The following NASP variants were observed in gnomAD, a reference collection of about 807,000 sequenced individuals.
NASP encodes NASP histone chaperone.
A neutral mutation model predicts 89.5 loss-of-function variants in NASP; 24 were observed. The ratio of observed to expected loss-of-function variants is 0.27; its 90% CI spans 0.19 to 0.38. The LOEUF is 0.38. Among genes scored for constraint, NASP ranks in the 10% least tolerant of loss-of-function variants. The pLI is 1.00. For synonymous variants in NASP, 306 were observed against 324.7 expected, an observed-to-expected ratio of 0.94 and a Z score of 0.62; for missense variants, 848 against 921.4, an observed-to-expected ratio of 0.92 and a Z score of 1.03.
intron 1 of NASP, 65 bp from the exon 2 acceptor site, chr1:45,591,158 T>A (rs1643537802): frequency 1.0e-6 from 1 of 981,690 alleles, no homozygotes; most frequent in Non-Finnish European, 1.5e-6. Context: ...CTGAATTTAT[T>A]TTATTTTCAG....
intron 6 of NASP, chr1:45,612,941 T>C: frequency 2.4e-6 from 1 of 411,020 alleles, no homozygotes; most frequent in African/African-American, 2.1e-5. Context: ...CTCAGCCTTT[T>C]AATTGCTGAA....
chr1:45,613,320 G>A, intron 7 of NASP, 72 bp downstream of exon 7: 2 of 1,511,706 alleles, frequency 1.3e-6, no homozygotes, highest in Non-Finnish European at 8.9e-7. Flanking sequence ...CACTCTTGTT[G>A]CCTAGGCTGG....
rs1644135677 is a variant in NASP, at chr1:45,617,982, T to G, written c.2287-79T>G. On this transcript the variant is annotated intron_variant, in intron 14 of 14. Coordinates refer to ENST00000350030, the MANE Select transcript of NASP (RefSeq NM_002482.4). The stretch of plus-strand genomic sequence containing the variant: ...GTTTGGGTGACTTGTATATGCTTCC[T>G]ATGACTGAGGCCTCAGTTATATAAG... The G allele has an allele frequency of 3.8e-6, 5 of 1,310,174 alleles. No homozygotes were observed. In the Admixed American group the frequency reaches 8.1e-5, roughly 21 times the overall value. The allele number at this position is 1,310,174 out of a possible 1,614,324, so 81.2% of individuals were successfully genotyped here. A position where few individuals can be genotyped will look rare whatever the true frequency, so the allele number is the denominator to read the frequency against.
rs1644492771 is a variant in NASP, at chr1:45,584,225, G to A, written c.59+20G>A. 4.5e-6 allele frequency: 7 copies of A among 1,571,986 alleles called. No homozygotes were observed. The highest frequency in any genetic ancestry group is 6.0e-6 in the Non-Finnish European group (7 of 1,158,034). ...CGACAAGTAAGCGGGACTGTGGAAAGCTTAAGGCACTGGCCAGTCCGCGGG... is the reference window on the plus strand; with the variant it reads ...CGACAAGTAAGCGGGACTGTGGAAAACTTAAGGCACTGGCCAGTCCGCGGG... On this transcript the variant is annotated intron_variant, in intron 1 of 14. Coordinates refer to ENST00000350030, the MANE Select transcript of NASP (RefSeq NM_002482.4).
chr1:45,613,352 T>C, intron 7 of NASP, 104 bp downstream of exon 7: 2 of 1,323,984 alleles, frequency 1.5e-6, no homozygotes, highest in African/African-American at 3.0e-5. Flanking sequence ...GTGATCATGA[T>C]CATGGCTCAC....
chr1:45,598,125 G>T (rs1324510431), intron 2 of NASP, among the ~76,000 whole-genome samples: 2 of 150,672 alleles, frequency 1.3e-5, no homozygotes, highest in African/African-American at 2.4e-5. Context: ...TCAGCTCTCT[G>T]AGTTAATCTT....
At chr1:45,599,438 C>CT (rs1015829203) in intron 2 of NASP, among the ~76,000 whole-genome samples, 3 of 151,046 alleles carry the variant, frequency 2.0e-5, no homozygotes, top group Admixed American at 2.0e-4. Flanking sequence ...CTTTTCTTTT[C>CT]TTTTTTTGAG....
chr1:45,617,915 A>G lies in NASP; in HGVS notation c.2287-146A>G, dbSNP rs578045244. 35 of 689,158 alleles carry G rather than the reference A, an allele frequency of 5.1e-5. No homozygotes were observed. In the South Asian group the frequency reaches 6.7e-4, roughly 13 times the overall value. 42.7% of individuals were successfully genotyped at this position (689,158 alleles called of 1,614,324 possible). A position where few individuals can be genotyped will look rare whatever the true frequency, so the allele number is the denominator to read the frequency against. ...CATTATCACAGAGTATTCAAGAAAT[A>G]CTTTGTGGTCACTGCCCTCTTAATA... is the stretch of plus-strand genomic sequence containing the variant. On this transcript the variant is annotated intron_variant, in intron 14 of 14. Coordinates refer to ENST00000350030, the MANE Select transcript of NASP (RefSeq NM_002482.4).
Position 45,618,337 on chromosome 1 carries a change from C to T in NASP, c.*196C>T. ...TTATATATTAGCCAAAGGTTTTGTT[C>T]TGGCCTTCTGTACTGATCTGTGTTC... On this transcript the variant is annotated 3_prime_UTR_variant, in exon 15 of 15. Transcript: ENST00000350030. 2.0e-6 allele frequency: 1 copy of T among 507,038 alleles called. No homozygotes were observed. The highest frequency in any genetic ancestry group is 5.9e-4 in the Middle Eastern group (1 of 1,708). The allele number at this position is 507,038 out of a possible 1,614,324, so 31.4% of individuals were successfully genotyped here. A position where few individuals can be genotyped will look rare whatever the true frequency, so the allele number is the denominator to read the frequency against.
intron 1 of NASP, among the ~76,000 whole-genome samples, chr1:45,588,394 G>A (rs577069295): frequency 1.2e-3 from 182 of 152,166 alleles, no homozygotes; most frequent in Non-Finnish European, 2.1e-3. Flanking sequence ...GTTAGCCACC[G>A]TGCCCAGGCT....
intron 3 of NASP, among the ~76,000 whole-genome samples, chr1:45,604,603 G>A (rs146851432): frequency 1.3e-4 from 20 of 152,300 alleles, no homozygotes; most frequent in African/African-American, 4.8e-4. Flanking sequence ...CTAGGTCCCA[G>A]CCAAAGGTCC....
At chr1:45,586,260 GTGTGTGTGTGTGTGTGTGTGTGTGGT>G (rs1246615514) in intron 1 of NASP, among the ~76,000 whole-genome samples, 2 of 61,912 alleles carry the variant, frequency 3.2e-5, no homozygotes, top group Non-Finnish European at 6.7e-5. Flanking sequence ...GTGTGTGTGT[GTGTGTGTGTGTGTGTGTGTGTGTGGT>G]GTGTGTGTGT....
At chr1:45,595,703 A>C (rs760514622) in intron 2 of NASP, among the ~76,000 whole-genome samples, 24 of 152,378 alleles carry the variant, frequency 1.6e-4, no homozygotes, top group Non-Finnish European at 3.2e-4. Context: ...GTGGCAACAA[A>C]TAGTACTAGC....
intron 2 of NASP, among the ~76,000 whole-genome samples, chr1:45,595,127 TTTTGTGTGTGTGTGTGTGTGTGTGTG>T (rs1643658480): frequency 7.7e-6 from 1 of 129,428 alleles, no homozygotes; most frequent in African/African-American, 3.1e-5. Flanking sequence ...CCAGACTAAG[TTTTGTGTGTGTGTGTGTGTGTGTGTG>T]TGTGTGTGTG....
intron 2 of NASP, among the ~76,000 whole-genome samples, chr1:45,593,535 C>CAAA (rs1197658183): frequency 8.5e-4 from 70 of 82,388 alleles, no homozygotes; most frequent in East Asian, 2.2e-3. Context: ...TGTCCCCCCC[C>CAAA]AAAAAAAAAA....
At chr1:45,595,915 T>C (rs544541549) in intron 2 of NASP, among the ~76,000 whole-genome samples, 11 of 152,310 alleles carry the variant, frequency 7.2e-5, no homozygotes, top group Admixed American at 2.0e-4. Context: ...TGATTAAGAG[T>C]TGATTGAGCT....
At chr1:45,613,502 A>AG (rs1644052761) in intron 7 of NASP, among the ~76,000 whole-genome samples, 1 of 152,114 alleles carries the variant, frequency 6.6e-6, no homozygotes, top group South Asian at 2.1e-4. Context: ...TTTTTTTAAG[A>AG]GATAGAATCT....
chr1:45,600,148 G>A (rs1299439024), intron 2 of NASP, among the ~76,000 whole-genome samples: 1 of 151,944 alleles, frequency 6.6e-6, no homozygotes, highest in Non-Finnish European at 1.5e-5. Context: ...TTTCATTAAT[G>A]GAACTTAAAA....
At chr1:45,591,696 G>GT (rs1192858238) in intron 2 of NASP, among the ~76,000 whole-genome samples, 5 of 89,748 alleles carry the variant, frequency 5.6e-5, no homozygotes, top group Admixed American at 3.3e-4. Context: ...TATGGCTATG[G>GT]TTTTTTGTTT....
Sources: allele counts gnomAD v4.1 joint callset (sites outside exome capture counted in the v4.1 genomes callset), GRCh38; gene constraint gnomAD v4.1.1; transcripts MANE v1.5; gene names NCBI Gene and HGNC (gene_info 2026-07-23, HGNC 2026-07-21).